Variants in ARHGAP6 observed in about 807,000 individuals in gnomAD.
ARHGAP6 encodes the protein Rho GTPase activating protein 6.
ARHGAP6 carries 16 observed loss-of-function variants against 55.7 expected under a neutral mutation model. The observed-to-expected ratio is 0.29, with a 90% CI of 0.19 to 0.44. ARHGAP6 has a LOEUF of 0.44. ARHGAP6 is among the 20% of genes least tolerant of loss of function. The probability of loss-of-function intolerance (pLI) is 1.00; values close to 1 mark genes in which losing one functional copy is unlikely to be tolerated. For missense variants in ARHGAP6, 698 were observed against 808.9 expected (o/e 0.86, Z 1.66); for synonymous variants, 382 against 360.9 (o/e 1.06, Z -0.66).
Position 11,223,457 on chromosome X carries a change from T to C in ARHGAP6, c.749-26461A>G, listed in dbSNP as rs545927650. On this transcript the variant is annotated intron_variant, in intron 2 of 12. Coordinates refer to ENST00000337414, the MANE Select transcript of ARHGAP6 (RefSeq NM_013427.3). ...TAAGTTTAACAGAATTGAGGTATATTATCTAGAAAGCCAATGAAGATGACC... is the reference window on the plus strand; with the variant it reads ...TAAGTTTAACAGAATTGAGGTATATCATCTAGAAAGCCAATGAAGATGACC... Among the ~76,000 whole-genome samples, 32 of 111,684 alleles carry C rather than the reference T, an allele frequency of 2.9e-4. No individual in the cohort carries two copies. In the East Asian group the frequency reaches 5.9e-3, roughly 20 times the overall value.
chrX:11,573,122 C>T (rs189030629), intron 1 of ARHGAP6, among the ~76,000 whole-genome samples: 27 of 111,018 alleles, frequency 2.4e-4, no homozygotes, highest in Admixed American at 2.3e-3. Flanking sequence ...AAATGTTCTA[C>T]CATTTTGTAG....
chrX:11,169,552 T>C lies in ARHGAP6; in HGVS notation c.1762A>G (p.Ile588Val). The C allele has an allele frequency of 8.3e-7, 1 of 1,204,759 alleles. No individual in the cohort carries two copies. The highest frequency in any genetic ancestry group is 2.2e-5 in the Admixed American group (1 of 45,133). Residue 588 changes from isoleucine (I) to valine (V), a missense_variant, in exon 9 of 13, where the codon ATC (isoleucine) becomes GTC (valine). Coordinates refer to ENST00000337414, the MANE Select transcript of ARHGAP6 (RefSeq NM_013427.3). ...TCAATCATCTTTTGCACAACAGCGA[T>C]GATGGCCGTGCTCTCCTCAGCCCGG... ...SARAEESTAI[I>V]AVVQKMIENY...
chrX:11,316,431 A>G (rs959891752), intron 1 of ARHGAP6, among the ~76,000 whole-genome samples: 4 of 112,440 alleles, frequency 3.6e-5, no homozygotes, highest in African/African-American at 1.3e-4. Flanking sequence ...TTTTTAAAAA[A>G]TTAACAAATA....
chrX:11,213,609 G>A (rs974150427), intron 2 of ARHGAP6, among the ~76,000 whole-genome samples: 5 of 112,534 alleles, frequency 4.4e-5, no homozygotes, highest in African/African-American at 1.6e-4. Context: ...GCAGCACCAC[G>A]AATGGAACTA....
intron 1 of ARHGAP6, among the ~76,000 whole-genome samples, chrX:11,601,323 G>A (rs5933906): frequency 0.03 from 3,371 of 111,248 alleles, 70 homozygotes; most frequent in Middle Eastern, 0.074. Context: ...CAGTGGTGGT[G>A]CATGCCTGGT....
chrX:11,188,624 C>T (rs1381249645), intron 4 of ARHGAP6, 104 bp downstream of exon 4: 2 of 1,071,368 alleles, frequency 1.9e-6, no homozygotes, highest in African/African-American at 3.8e-5. Flanking sequence ...GATACCTGAA[C>T]ACCAACTACA....
chrX:11,154,416 GAGAA>G (rs1290963679), intron 10 of ARHGAP6, among the ~76,000 whole-genome samples: 2 of 112,308 alleles, frequency 1.8e-5, no homozygotes, highest in East Asian at 5.6e-4. Flanking sequence ...CCTAATAGAA[GAGAA>G]AGAAAGGTTC....
chrX:11,590,126 G>A (rs1416235340), intron 1 of ARHGAP6, among the ~76,000 whole-genome samples: 3 of 111,266 alleles, frequency 2.7e-5, no homozygotes, highest in South Asian at 7.6e-4. Flanking sequence ...GTCCTGAATC[G>A]GAATCTGATA....
intron 1 of ARHGAP6, among the ~76,000 whole-genome samples, chrX:11,515,067 C>T (rs147152504): frequency 3.6e-5 from 4 of 111,483 alleles, no homozygotes; most frequent in East Asian, 2.8e-4. Context: ...GTTGAAAAAG[C>T]GAGGGTGTAC....
chrX:11,492,960 C>T (rs774048393), intron 1 of ARHGAP6, among the ~76,000 whole-genome samples: 2 of 111,741 alleles, frequency 1.8e-5, no homozygotes, highest in East Asian at 5.6e-4. Flanking sequence ...AAAATGGTGA[C>T]CACCAGAGTG....
chrX:11,174,924 C>G (rs1050273233), intron 8 of ARHGAP6, among the ~76,000 whole-genome samples: 10 of 109,229 alleles, frequency 9.2e-5, no homozygotes, highest in Admixed American at 8.9e-4. Context: ...ATCTCCTGAC[C>G]TCGTGATCCG....
At chrX:11,174,526 C>T (rs867640195) in intron 8 of ARHGAP6, among the ~76,000 whole-genome samples, 1 of 47,935 alleles carries the variant, frequency 2.1e-5, no homozygotes, top group Non-Finnish European at 3.7e-5. Context: ...TCTTTCCTTC[C>T]TTCCTTCCTT....
intron 1 of ARHGAP6, among the ~76,000 whole-genome samples, chrX:11,296,092 G>A (rs1414514926): frequency 8.9e-6 from 1 of 112,116 alleles, no homozygotes; most frequent in Non-Finnish European, 1.9e-5. Context: ...CGGCCTAAAC[G>A]TCATAAATCA....
chrX:11,332,966 C>G (rs1335557270), intron 1 of ARHGAP6, among the ~76,000 whole-genome samples: 2 of 111,535 alleles, frequency 1.8e-5, no homozygotes, highest in Non-Finnish European at 3.8e-5. Flanking sequence ...CTTCTTAAAT[C>G]TAGCAACCAC....
chrX:11,664,644 G>T lies in ARHGAP6; in HGVS notation c.185C>A (p.Ala62Glu), dbSNP rs1167093689. The T allele has an allele frequency of 8.6e-7, 1 of 1,159,602 alleles. No individual in the cohort carries two copies. The highest frequency in any genetic ancestry group is 1.1e-6 in the Non-Finnish European group (1 of 870,074). The change falls in exon 1 of 13, where the codon GCG becomes GAG. Residue 62 changes from alanine (A) to glutamate (E), a missense_variant. Ala to Glu is a moderately radical substitution (Grantham distance 107). This residue lies in a region of ARHGAP6 where 164 missense variants were observed against 149.2 expected (regional missense o/e 1.10). Coordinates refer to ENST00000337414, the MANE Select transcript of ARHGAP6 (RefSeq NM_013427.3). Reference sequence around the variant, plus strand: ...GAGTGATGGGGAGTAGAGGCGGCCCGCCGTGGCTCCCCGCGCACTGCCCTC... The same window carrying T: ...GAGTGATGGGGAGTAGAGGCGGCCCTCCGTGGCTCCCCGCGCACTGCCCTC... ...GAEGSARGATAGRLYSPSLPA... is the reference protein window; with the variant it reads ...GAEGSARGATEGRLYSPSLPA...
chrX:11,477,442 T>C (rs1465970271), intron 1 of ARHGAP6, among the ~76,000 whole-genome samples: 1 of 111,839 alleles, frequency 8.9e-6, no homozygotes, highest in African/African-American at 3.2e-5. Context: ...GAGAACTGTA[T>C]GGTAATTTCT....
At chrX:11,615,352 G>C (rs1472124886) in intron 1 of ARHGAP6, among the ~76,000 whole-genome samples, 2 of 111,886 alleles carry the variant, frequency 1.8e-5, no homozygotes, top group Non-Finnish European at 1.9e-5. Context: ...AGCACTCTGA[G>C]GGATAGAATC....
At position 11,653,860 on chromosome X, in the gene ARHGAP6, T is replaced by C. The variant is rs770747863; in HGVS notation, c.588+10381A>G. Among the ~76,000 whole-genome samples the C allele has an allele frequency of 3.6e-5, 4 of 111,958 alleles. No individual in the cohort carries two copies. In the East Asian group the frequency reaches 1.1e-3, roughly 31 times the overall value. ...GCCTACCTCTGAATCTGAGTCTCAG[T>C]GTCCTCACTCATAAAATGAAGGTTG... On this transcript the variant is annotated intron_variant, in intron 1 of 12. Transcript: ENST00000337414.
In ARHGAP6 at chrX:11,401,459, G is replaced by A. The variant is rs950640641; in HGVS notation, c.589-146752C>T. ...GGGTCTGGATAATTCTTTGCTGTAG[G>A]GGCTGTTCTGTGCCCTGTAGGATAT... On this transcript the variant is annotated intron_variant, in intron 1 of 12. Coordinates refer to ENST00000337414, the MANE Select transcript of ARHGAP6 (RefSeq NM_013427.3). 2.7e-5 allele frequency among the ~76,000 whole-genome samples: 3 copies of A among 111,696 alleles called. No homozygotes were observed. The Admixed American group carries it at 2.8e-4, about 11-fold the overall frequency.
Sources: gnomAD v4.1 joint callset for allele counts (sites outside exome capture counted in the v4.1 genomes callset) on GRCh38, gnomAD v4.1.1 for gene constraint, gnomAD v4.1.1 regional missense constraint, MANE v1.5 for transcripts, NCBI Gene and HGNC (gene_info 2026-07-23, HGNC 2026-07-21) for gene names.